The following DNAJC3 variants were observed in gnomAD, a reference collection of about 807,000 sequenced individuals.
DNAJC3 encodes DnaJ heat shock protein family (Hsp40) member C3.
DNAJC3 carries 38 observed loss-of-function variants against 68.6 expected under a neutral mutation model. The ratio of observed to expected loss-of-function variants is 0.55; its 90% CI spans 0.43 to 0.73. The LOEUF (loss-of-function observed/expected upper bound fraction) is 0.73, where lower values mean the gene tolerates loss of function less well. Ranked by LOEUF, DNAJC3 falls within the 30% of genes least tolerant of loss-of-function variation. DNAJC3 has a pLI of 0.00. For missense variants in DNAJC3, 526 were observed against 591.9 expected (o/e 0.89, Z 1.16); for synonymous variants, 203 against 204.0 (o/e 1.00, Z 0.04).
At chr13:95,683,263 ATGGGTATATTGTGTAATGG>A (rs1879973521) in intron 1 of DNAJC3, among the ~76,000 whole-genome samples, 1 of 152,048 alleles carries the variant, frequency 6.6e-6, no homozygotes, top group Non-Finnish European at 1.5e-5. Flanking sequence ...TGCAGGTTAC[ATGGGTATATTGTGTAATGG>A]TGGGGTGGTA....
intron 4 of DNAJC3, chr13:95,742,556 T>C (rs1882177356): frequency 9.2e-6 from 4 of 434,586 alleles, no homozygotes; most frequent in South Asian, 3.6e-5. Context: ...ACTTACTTTT[T>C]CCCCACATTC....
At position 95,791,167 on chromosome 13, in the gene DNAJC3, T is replaced by A; in HGVS notation, c.*137T>A. The stretch of plus-strand genomic sequence containing the variant: ...AAAGAGTTGCTTTAATAGGAAAAAA[T>A]CTGTTCTTATCCCTGTCAGATTTAT... On this transcript the variant is annotated 3_prime_UTR_variant, in exon 12 of 12. Transcript: ENST00000602402. 1.0e-6 allele frequency: 1 copy of A among 972,464 alleles called. No homozygotes were observed. Among genetic ancestry groups the A allele is most frequent in the Admixed American group, 2.7e-5 (1 of 36,412 alleles). 60.2% of individuals were successfully genotyped at this position (972,464 alleles called of 1,614,324 possible).
At chr13:95,790,728 G>A (rs757295693) in intron 11 of DNAJC3, 145 bp from the exon 12 acceptor site, 16 of 935,158 alleles carry the variant, frequency 1.7e-5, no homozygotes, top group Non-Finnish European at 2.5e-5. Flanking sequence ...GGAGAGCCTG[G>A]ATTTGAATGT....
chr13:95,682,324 T>C (rs76402525), intron 1 of DNAJC3, among the ~76,000 whole-genome samples: 1,943 of 152,038 alleles, frequency 0.013, 45 homozygotes, highest in African/African-American at 0.045. Context: ...CCAACCTGAA[T>C]AACCATCTCT....
chr13:95,742,907 TTG>T (rs769180373), intron 4 of DNAJC3: 8 of 476,870 alleles, frequency 1.7e-5, no homozygotes, highest in South Asian at 1.2e-4. Context: ...TTTTATGGTT[TTG>T]TGTTTTATTT....
At chr13:95,776,493 A>C (rs2139688710) in intron 9 of DNAJC3, among the ~76,000 whole-genome samples, 1 of 152,278 alleles carries the variant, frequency 6.6e-6, no homozygotes, top group East Asian at 1.9e-4. Flanking sequence ...TGAGCCAATG[A>C]AATTCTTTTA....
At chr13:95,768,947 C>T (rs1883085749) in intron 9 of DNAJC3, among the ~76,000 whole-genome samples, 1 of 152,196 alleles carries the variant, frequency 6.6e-6, no homozygotes, top group Non-Finnish European at 1.5e-5. Flanking sequence ...TGCATTCCAG[C>T]CTGGGCAACA....
In DNAJC3 at chr13:95,729,732, T is replaced by G. The variant is rs1440609914; in HGVS notation, c.393+4480T>G. On this transcript the variant is annotated intron_variant, in intron 4 of 11. Coordinates refer to ENST00000602402, the MANE Select transcript of DNAJC3 (RefSeq NM_006260.5). ...GGGTGAGGTGTTCTCATTATTGTTT[T>G]GATTTGCATTTCCCTGATTATTAGT... 2.6e-5 allele frequency among the ~76,000 whole-genome samples: 4 copies of G among 152,176 alleles called. No homozygotes were observed. The East Asian group carries it at 7.7e-4, about 29-fold the overall frequency.
chr13:95,677,976 C>T (rs1879807925), intron 1 of DNAJC3, among the ~76,000 whole-genome samples: 1 of 152,178 alleles, frequency 6.6e-6, no homozygotes, highest in South Asian at 2.1e-4. Context: ...AACATGGTGT[C>T]ATTCAACGTA....
chr13:95,723,968 T>C (rs1881426059), intron 3 of DNAJC3, among the ~76,000 whole-genome samples: 1 of 151,854 alleles, frequency 6.6e-6, no homozygotes, highest in Non-Finnish European at 1.5e-5. Flanking sequence ...AGAGGCAGAA[T>C]TGACAACCAC....
intron 4 of DNAJC3, among the ~76,000 whole-genome samples, chr13:95,755,519 G>A (rs1882628306): frequency 6.6e-6 from 1 of 151,922 alleles, no homozygotes. Context: ...AGCACTTTGG[G>A]AGGCTGAGGC....
At chr13:95,730,530 AT>A (rs750782627) in intron 4 of DNAJC3, among the ~76,000 whole-genome samples, 1 of 152,174 alleles carries the variant, frequency 6.6e-6, no homozygotes, top group Non-Finnish European at 1.5e-5. Flanking sequence ...GCATATAGAT[AT>A]CCAGTTTTCA....
chr13:95,691,500 G>A (rs1324108003), intron 1 of DNAJC3, among the ~76,000 whole-genome samples: 2 of 151,750 alleles, frequency 1.3e-5, no homozygotes, highest in Admixed American at 6.6e-5. Context: ...ATGTGATGGC[G>A]GCCGGGAAGA....
intron 10 of DNAJC3, 105 bp from the exon 11 acceptor site, chr13:95,786,902 C>A: frequency 7.4e-7 from 1 of 1,359,128 alleles, no homozygotes; most frequent in Admixed American, 2.4e-5. Context: ...TTTTATAAAA[C>A]CAGTTTTGTT....
intron 2 of DNAJC3, among the ~76,000 whole-genome samples, chr13:95,713,618 A>C (rs781384968): frequency 6.6e-5 from 10 of 152,234 alleles, no homozygotes; most frequent in Non-Finnish European, 1.0e-4. Flanking sequence ...ATTTCATTGA[A>C]ATTGACTCGC....
intron 1 of DNAJC3, among the ~76,000 whole-genome samples, chr13:95,690,840 G>A (rs1441166163): frequency 7.5e-6 from 1 of 133,144 alleles, no homozygotes; most frequent in Non-Finnish European, 1.6e-5. Context: ...GGGCAGAGGG[G>A]CTCCTCACTT....
chr13:95,694,317 AC>A (rs980692982), intron 1 of DNAJC3: 2 of 152,500 alleles, frequency 1.3e-5, no homozygotes, highest in African/African-American at 4.8e-5. Flanking sequence ...CCATCATACC[AC>A]CCAAATAAAT....
chr13:95,740,185 C>A (rs952343666), intron 4 of DNAJC3, among the ~76,000 whole-genome samples: 1 of 152,214 alleles, frequency 6.6e-6, no homozygotes, highest in Non-Finnish European at 1.5e-5. Flanking sequence ...TCTCCAGCTG[C>A]GTGCTGGGAG....
intron 1 of DNAJC3, among the ~76,000 whole-genome samples, chr13:95,697,668 T>C (rs1016081844): frequency 1.3e-5 from 2 of 152,142 alleles, no homozygotes; most frequent in Non-Finnish European, 2.9e-5. Context: ...GTTTGGTTGT[T>C]TTACATAATC....
Sources: allele counts gnomAD v4.1 joint callset (sites outside exome capture counted in the v4.1 genomes callset), GRCh38; gene constraint gnomAD v4.1.1; transcripts MANE v1.5; gene names NCBI Gene and HGNC (gene_info 2026-07-23, HGNC 2026-07-21).